WDFY3: variants seen among roughly 807,000 people sequenced by gnomAD.
WDFY3 encodes WD repeat and FYVE domain containing 3.
A neutral mutation model predicts 409.6 loss-of-function variants in WDFY3; 66 were observed. The observed-to-expected ratio is 0.16, with a 90% CI of 0.13 to 0.20. The LOEUF is 0.20. Ranked by LOEUF, WDFY3 falls within the 10% of genes least tolerant of loss-of-function variation. The pLI is 1.00. For missense variants in WDFY3, 3,031 were observed against 4,298.1 expected, an observed-to-expected ratio of 0.71 and a Z score of 8.24; for synonymous variants, 1,521 against 1,537.1, an observed-to-expected ratio of 0.99 and a Z score of 0.25.
At chr4:84,944,453 A>G (rs1177614005) in intron 1 of WDFY3, among the ~76,000 whole-genome samples, 1 of 152,058 alleles carries the variant, frequency 6.6e-6, no homozygotes, top group Non-Finnish European at 1.5e-5. Flanking sequence ...AATCACTTGA[A>G]CCTTGAGGGA....
intron 1 of WDFY3, among the ~76,000 whole-genome samples, chr4:84,946,005 G>C (rs1359455368): frequency 6.6e-6 from 1 of 152,130 alleles, no homozygotes; most frequent in Non-Finnish European, 1.5e-5. Flanking sequence ...GCACACCTGG[G>C]GCTAGGAAGA....
chr4:84,912,066 T>C (rs1039241599), intron 2 of WDFY3, among the ~76,000 whole-genome samples: 3 of 152,204 alleles, frequency 2.0e-5, no homozygotes, highest in African/African-American at 7.2e-5. Context: ...CAGTAAGTTG[T>C]ATATGGCAAC....
intron 3 of WDFY3, among the ~76,000 whole-genome samples, chr4:84,874,760 T>C (rs1762546775): frequency 6.6e-6 from 1 of 152,144 alleles, no homozygotes; most frequent in African/African-American, 2.4e-5. Context: ...CATGAAACTT[T>C]AGTTATACAG....
chr4:84,732,639 G>A (rs974293537), intron 44 of WDFY3, among the ~76,000 whole-genome samples: 23 of 151,982 alleles, frequency 1.5e-4, no homozygotes, highest in Admixed American at 4.6e-4. Flanking sequence ...TTTGTCCTTC[G>A]TACCTTGTTT....
chr4:84,798,181 A>G, intron 17 of WDFY3, 73 bp from the exon 18 acceptor site: 2 of 1,280,562 alleles, frequency 1.6e-6, no homozygotes, highest in East Asian at 2.5e-5. Context: ...ATATTCAGAA[A>G]AAGAATTTAA....
intron 45 of WDFY3, 61 bp downstream of exon 45, chr4:84,726,800 C>A (rs1375930331): frequency 4.0e-6 from 6 of 1,510,438 alleles, no homozygotes; most frequent in Admixed American, 4.2e-5. Context: ...AAAAAAAAAC[C>A]AGAAAACAAA....
chr4:84,745,083 CT>C (rs1739186444), intron 36 of WDFY3, among the ~76,000 whole-genome samples: 1 of 152,002 alleles, frequency 6.6e-6, no homozygotes, highest in African/African-American at 2.4e-5. Flanking sequence ...CAAAGTTAAA[CT>C]GTAGTCTACT....
chr4:84,866,094 A>T (rs969380454), intron 3 of WDFY3, among the ~76,000 whole-genome samples: 4 of 152,078 alleles, frequency 2.6e-5, no homozygotes, highest in African/African-American at 7.2e-5. Flanking sequence ...AGAATGAATA[A>T]TTTTTTAAAC....
intron 62 of WDFY3, among the ~76,000 whole-genome samples, chr4:84,685,727 T>G (rs1000488719): frequency 6.6e-6 from 1 of 152,114 alleles, no homozygotes; most frequent in Non-Finnish European, 1.5e-5. Context: ...ACAACAGAAA[T>G]AGAAATCTTT....
intron 36 of WDFY3, among the ~76,000 whole-genome samples, chr4:84,746,530 T>C (rs1432625244): frequency 6.6e-6 from 1 of 152,166 alleles, no homozygotes; most frequent in Non-Finnish European, 1.5e-5. Context: ...ACTGGCTCAG[T>C]CATCAACAGG....
At chr4:84,934,728 T>TA (rs1176290015) in intron 1 of WDFY3, among the ~76,000 whole-genome samples, 1 of 152,172 alleles carries the variant, frequency 6.6e-6, no homozygotes, top group African/African-American at 2.4e-5. Flanking sequence ...AACATCCAGA[T>TA]ACCTGTCACC....
intron 22 of WDFY3, among the ~76,000 whole-genome samples, chr4:84,789,178 C>A (rs1578523672): frequency 6.6e-6 from 1 of 152,126 alleles, no homozygotes; most frequent in African/African-American, 2.4e-5. Flanking sequence ...TGTTTCTTTA[C>A]TTGATAATCA....
At position 84,860,515 on chromosome 4, in the gene WDFY3, A is replaced by G; in HGVS notation, c.77T>C (p.Met26Thr). Residue 26 changes from methionine to threonine, a missense_variant, in exon 4 of 68, where the codon ATG (methionine) becomes ACG (threonine). By Grantham distance (81) the Met-to-Thr change is moderately conservative. This residue lies in a region of WDFY3 where 1,322 missense variants were observed against 1,697.9 expected (regional missense o/e 0.78). Coordinates refer to ENST00000295888, the MANE Select transcript of WDFY3 (RefSeq NM_014991.6). ...CSPQDNALGL[M>T]HLRRLFTELC... ...CTCCGTGAAGAGCCGGCGGAGGTGCATCAGTCCTAAGGCGTTGTCTTGTGG... is the reference window on the plus strand; with the variant it reads ...CTCCGTGAAGAGCCGGCGGAGGTGCGTCAGTCCTAAGGCGTTGTCTTGTGG... 2 of 1,614,072 alleles carry G rather than the reference A, an allele frequency of 1.2e-6. No individual in the cohort carries two copies. The highest frequency in any genetic ancestry group is 2.2e-5 in the East Asian group (1 of 44,842).
At chr4:84,859,662 G>A (rs1578853143) in intron 4 of WDFY3, among the ~76,000 whole-genome samples, 1 of 152,060 alleles carries the variant, frequency 6.6e-6, no homozygotes, top group African/African-American at 2.4e-5. Context: ...TGCAACCTTC[G>A]CCTCTCGGGT....
intron 55 of WDFY3, among the ~76,000 whole-genome samples, chr4:84,703,418 C>T (rs150412527): frequency 6.6e-6 from 1 of 152,268 alleles, no homozygotes; most frequent in Non-Finnish European, 1.5e-5. Context: ...ACATGGTGTA[C>T]CTGTCTTACG....
At chr4:84,745,752 T>C (rs1171509625) in intron 36 of WDFY3, among the ~76,000 whole-genome samples, 1 of 152,168 alleles carries the variant, frequency 6.6e-6, no homozygotes, top group Non-Finnish European at 1.5e-5. Context: ...AATTTTCCTG[T>C]GTATTTGAAC....
rs901882004 is a variant in WDFY3 at position 84,671,745 on chromosome 4, A to C, written c.*1123T>G. 1.3e-5 allele frequency: 2 copies of C among 152,606 alleles called. No individual in the cohort carries two copies. Among genetic ancestry groups the C allele is most frequent in the Non-Finnish European group, 2.9e-5 (2 of 68,032 alleles). 9.5% of individuals were successfully genotyped at this position (152,606 alleles called of 1,614,324 possible). A position where few individuals can be genotyped will look rare whatever the true frequency, so the allele number is the denominator to read the frequency against. The stretch of plus-strand genomic sequence containing the variant: ...TCAGGTAGATGACATTAAATGGTAA[A>C]GGTTAATTTTAAGCAGTTCTGACAT... On this transcript the variant is annotated 3_prime_UTR_variant, in exon 68 of 68. Transcript: ENST00000295888.
rs1453587292 is a variant in WDFY3 at position 84,741,851 on chromosome 4, G to A, written c.6144C>T (p.Phe2048=). ...YQVLVNNVFY[F]TQRVVDKLWQ... ...AAAGCTTGTCCACCACACGCTGTGT[G>A]AAATAAAACACATTGTTCACCAATA... Residue 2048 remains phenylalanine, a synonymous_variant, in exon 38 of 68, where the codon TTC becomes TTT. Transcript: ENST00000295888. 2 of 1,612,812 alleles carry A rather than the reference G, an allele frequency of 1.2e-6. No homozygotes were observed. The highest frequency in any genetic ancestry group is 1.7e-6 in the Non-Finnish European group (2 of 1,179,110).
chr4:84,924,904 C>T (rs1769769191), intron 2 of WDFY3, among the ~76,000 whole-genome samples: 1 of 152,110 alleles, frequency 6.6e-6, no homozygotes, highest in South Asian at 2.1e-4. Context: ...CAAATTTGCC[C>T]TTGAAAATTT....
Sources: gnomAD v4.1 joint callset for allele counts (sites outside exome capture counted in the v4.1 genomes callset) on GRCh38, gnomAD v4.1.1 for gene constraint, gnomAD v4.1.1 regional missense constraint, MANE v1.5 for transcripts, NCBI Gene and HGNC (gene_info 2026-07-23, HGNC 2026-07-21) for gene names.